Variants in ANKS1B observed in about 807,000 individuals in gnomAD.
ANKS1B encodes the protein ankyrin repeat and sterile alpha motif domain-containing protein 1B.
Under a neutral mutation model 148.3 loss-of-function variants are expected in ANKS1B, and 36 were observed. The ratio of observed to expected loss-of-function variants is 0.24; its 90% CI spans 0.19 to 0.32. ANKS1B has a LOEUF of 0.32. ANKS1B is among the 10% of genes least tolerant of loss of function. The probability of loss-of-function intolerance (pLI) is 1.00; values close to 1 mark genes in which losing one functional copy is unlikely to be tolerated. For synonymous variants in ANKS1B, 542 were observed against 560.8 expected, an observed-to-expected ratio of 0.97 and a Z score of 0.47; for missense variants, 1,157 against 1,542.6, an observed-to-expected ratio of 0.75 and a Z score of 4.19.
chr12:99,821,779 A>G (rs554241319), intron 2 of ANKS1B, among the ~76,000 whole-genome samples: 24 of 152,242 alleles, frequency 1.6e-4, no homozygotes, highest in Non-Finnish European at 1.2e-4. Context: ...GCCTGAATCC[A>G]TAATTCAGAT....
At chr12:98,766,424 A>G (rs529098262) in intron 25 of ANKS1B, among the ~76,000 whole-genome samples, 51 of 152,318 alleles carry the variant, frequency 3.3e-4, no homozygotes, top group African/African-American at 1.2e-3. Flanking sequence ...GGGCCAGGGA[A>G]CGGCTTCTCT....
chr12:99,288,583 A>G lies in ANKS1B; in HGVS notation c.1757-41719T>C, dbSNP rs370155040. On this transcript the variant is annotated intron_variant, in intron 12 of 26. Coordinates refer to ENST00000683438, the MANE Select transcript of ANKS1B (RefSeq NM_001352186.2). ...CTTGAGTAGGAAGACTAAAAGATGA[A>G]CCAATCAAAAATAATAATGGGGTGA... Among the ~76,000 whole-genome samples, 16 of 152,120 alleles carry G rather than the reference A, an allele frequency of 1.1e-4. No individual in the cohort carries two copies. In the East Asian group the frequency reaches 1.2e-3, roughly 11 times the overall value.
intron 9 of ANKS1B, among the ~76,000 whole-genome samples, chr12:99,518,865 A>G (rs1370248898): frequency 6.6e-6 from 1 of 152,026 alleles, no homozygotes; most frequent in Non-Finnish European, 1.5e-5. Flanking sequence ...CACTTATAGG[A>G]TAAACTTTCC....
chr12:99,042,095 C>G (rs1391459767), intron 17 of ANKS1B, among the ~76,000 whole-genome samples: 1 of 152,112 alleles, frequency 6.6e-6, no homozygotes, highest in Non-Finnish European at 1.5e-5. Flanking sequence ...CTGGGGTGCA[C>G]TGATTGCAGT....
intron 1 of ANKS1B, among the ~76,000 whole-genome samples, chr12:99,926,064 C>A (rs2094471053): frequency 6.6e-6 from 1 of 152,166 alleles, no homozygotes; most frequent in Admixed American, 6.5e-5. Flanking sequence ...TTCCAAATAT[C>A]TTCCCATTTT....
At chr12:99,758,024 AC>A (rs1408176031) in intron 8 of ANKS1B, among the ~76,000 whole-genome samples, 1 of 151,960 alleles carries the variant, frequency 6.6e-6, no homozygotes, top group Non-Finnish European at 1.5e-5. Context: ...AATCTATACA[AC>A]AAACCCCCAT....
intron 14 of ANKS1B, among the ~76,000 whole-genome samples, chr12:99,243,087 G>A (rs1243740882): frequency 6.6e-6 from 1 of 151,046 alleles, no homozygotes; most frequent in Non-Finnish European, 1.5e-5. Flanking sequence ...AAAAGAAAAG[G>A]CAACCTACAG....
chr12:98,814,952 C>T (rs914487769), intron 19 of ANKS1B, among the ~76,000 whole-genome samples: 26 of 152,218 alleles, frequency 1.7e-4, no homozygotes, highest in Middle Eastern at 3.4e-3. Context: ...CTCTTGTTAC[C>T]GTCTTATACT....
intron 15 of ANKS1B, among the ~76,000 whole-genome samples, chr12:99,127,841 A>G (rs2064870104): frequency 6.6e-6 from 1 of 152,232 alleles, no homozygotes; most frequent in Admixed American, 6.5e-5. Context: ...ATTTGCCTCC[A>G]CAAATTAGAC....
chr12:98,816,338 C>A (rs2099139815), intron 19 of ANKS1B, among the ~76,000 whole-genome samples: 1 of 152,156 alleles, frequency 6.6e-6, no homozygotes, highest in African/African-American at 2.4e-5. Context: ...CACTGTCACC[C>A]AGGAGGGAGT....
chr12:99,491,262 G>A (rs2096552700), intron 10 of ANKS1B, among the ~76,000 whole-genome samples: 1 of 151,678 alleles, frequency 6.6e-6, no homozygotes, highest in African/African-American at 2.4e-5. Flanking sequence ...CTGACATAAC[G>A]CCACTGCACT....
chr12:99,909,905 G>T (rs1028136328), intron 1 of ANKS1B, among the ~76,000 whole-genome samples: 2 of 151,960 alleles, frequency 1.3e-5, no homozygotes, highest in Non-Finnish European at 2.9e-5. Context: ...CCTGGAAGAT[G>T]ATTTAGACTA....
At chr12:98,894,568 T>C (rs2099759701) in intron 17 of ANKS1B, 3 of 984,654 alleles carry the variant, frequency 3.0e-6, no homozygotes, top group South Asian at 4.7e-5. Flanking sequence ...GCACCACTTC[T>C]TGGAGCCACG....
intron 17 of ANKS1B, among the ~76,000 whole-genome samples, chr12:98,939,224 T>A (rs2099830379): frequency 6.6e-6 from 1 of 152,240 alleles, no homozygotes; most frequent in Non-Finnish European, 1.5e-5. Context: ...AACATTGGAT[T>A]TTCTAGAGAA....
chr12:99,516,866 G>T (rs2096826587), intron 9 of ANKS1B, among the ~76,000 whole-genome samples: 1 of 151,926 alleles, frequency 6.6e-6, no homozygotes, highest in African/African-American at 2.4e-5. Flanking sequence ...CTATTCCATT[G>T]GTCAATATGC....
chr12:99,053,361 C>G (rs3794799), intron 16 of ANKS1B, 52 bp from the exon 17 acceptor site: 2 of 1,378,416 alleles, frequency 1.5e-6, no homozygotes, highest in Admixed American at 3.1e-5. Flanking sequence ...TGTGTCCCAA[C>G]AACAGAATGC....
chr12:99,440,767 C>A lies in ANKS1B; in HGVS notation c.1575+2906G>T, dbSNP rs59273858. 4.2e-3 allele frequency among the ~76,000 whole-genome samples: 631 copies of A among 151,906 alleles called. 4 individuals are homozygous for A. Among genetic ancestry groups the A allele is most frequent in the African/African-American group, 0.013 (560 of 41,492 alleles). On this transcript the variant is annotated intron_variant, in intron 11 of 26. Transcript: ENST00000683438. ...CTATCTCATATTGAAAGCAAGGACT[C>A]CTTCGTTACAATGGATGCTCTCCAT... is the stretch of plus-strand genomic sequence containing the variant.
intron 8 of ANKS1B, among the ~76,000 whole-genome samples, chr12:99,753,137 T>C (rs1273931550): frequency 2.0e-5 from 3 of 152,130 alleles, no homozygotes; most frequent in Admixed American, 1.3e-4. Context: ...ATAGATCTCA[T>C]TTCTCTTCTG....
chr12:99,053,985 A>G (rs1400243595), intron 16 of ANKS1B, among the ~76,000 whole-genome samples: 1 of 152,260 alleles, frequency 6.6e-6, no homozygotes, highest in East Asian at 1.9e-4. Context: ...GAAATGTGAC[A>G]GCAACATAAT....
Sources: allele counts gnomAD v4.1 joint callset (sites outside exome capture counted in the v4.1 genomes callset), GRCh38; gene constraint gnomAD v4.1.1; transcripts MANE v1.5; gene names NCBI Gene and HGNC (gene_info 2026-07-23, HGNC 2026-07-21).